The following GALNT5 variants were observed in gnomAD, a reference collection of about 807,000 sequenced individuals.
GALNT5 encodes the protein UDP-GalNAc:polypeptide N-acetylgalactosaminyltransferase 5.
In GALNT5, 72 loss-of-function variants were observed where a neutral mutation model predicts 85.4. The ratio of observed to expected loss-of-function variants is 0.84; its 90% CI spans 0.70 to 1.03. The LOEUF (loss-of-function observed/expected upper bound fraction) is 1.03. Among genes scored for constraint, GALNT5 ranks in the 50% least tolerant of loss-of-function variants. The probability of loss-of-function intolerance (pLI) is 0.00; values close to 1 mark genes in which losing one functional copy is unlikely to be tolerated. For missense variants in GALNT5, 1,137 were observed against 1,135.5 expected (o/e 1.00, Z -0.02); for synonymous variants, 404 against 397.0 (o/e 1.02, Z -0.21).
intron 9 of GALNT5, among the ~76,000 whole-genome samples, chr2:157,311,005 G>C (rs1006132653): frequency 2.6e-5 from 4 of 152,154 alleles, no homozygotes; most frequent in African/African-American, 9.7e-5. Flanking sequence ...TTATAGCTTG[G>C]TGGAGGATGA....
chr2:157,289,947 G>A (rs1683058024), intron 3 of GALNT5, among the ~76,000 whole-genome samples: 1 of 151,522 alleles, frequency 6.6e-6, no homozygotes, highest in Non-Finnish European at 1.5e-5. Flanking sequence ...GGTGGCAGGT[G>A]CCTGTAATCC....
intron 1 of GALNT5, among the ~76,000 whole-genome samples, chr2:157,279,033 A>G (rs890547789): frequency 6.6e-6 from 1 of 152,158 alleles, no homozygotes; most frequent in East Asian, 1.9e-4. Context: ...TGTTGATGCT[A>G]TTCCTTTCTG....
intron 1 of GALNT5, among the ~76,000 whole-genome samples, chr2:157,266,955 G>A (rs1401689867): frequency 6.6e-6 from 1 of 152,164 alleles, no homozygotes; most frequent in Non-Finnish European, 1.5e-5. Flanking sequence ...AAGCAAAGGT[G>A]ATTCTTTAAA....
intron 7 of GALNT5, among the ~76,000 whole-genome samples, chr2:157,303,176 C>A (rs1303814316): frequency 6.6e-6 from 1 of 152,144 alleles, no homozygotes; most frequent in Non-Finnish European, 1.5e-5. Context: ...AATAATCTCA[C>A]CAATAATGTA....
intron 3 of GALNT5, among the ~76,000 whole-genome samples, chr2:157,289,139 G>A (rs1683039677): frequency 6.9e-6 from 1 of 145,904 alleles, no homozygotes; most frequent in Non-Finnish European, 1.5e-5. Context: ...CTCTCTGCCT[G>A]CACGGAGCAC....
intron 7 of GALNT5, among the ~76,000 whole-genome samples, chr2:157,304,205 T>C (rs907759834): frequency 1.3e-5 from 2 of 152,190 alleles, no homozygotes; most frequent in Non-Finnish European, 2.9e-5. Flanking sequence ...GGGGTGGGAC[T>C]GTGGGGGCAT....
chr2:157,265,653 T>TA (rs1682441473), intron 1 of GALNT5, among the ~76,000 whole-genome samples: 4 of 152,232 alleles, frequency 2.6e-5, no homozygotes, highest in African/African-American at 9.6e-5. Flanking sequence ...ATTGCCCTGG[T>TA]ACTCTTGGCC....
intron 7 of GALNT5, among the ~76,000 whole-genome samples, chr2:157,301,943 A>G (rs948737069): frequency 1.3e-5 from 2 of 152,226 alleles, no homozygotes; most frequent in Non-Finnish European, 2.9e-5. Context: ...GAAGCTGGGG[A>G]AAAGCCATTT....
rs528034753 is a variant in GALNT5, at chr2:157,285,888, C to T, written c.1622-127C>T. On this transcript the variant is annotated intron_variant, in intron 2 of 9. Transcript: ENST00000259056. Reference sequence around the variant, plus strand: ...GACATCAGAAAATAAAATTATGACCCAAGGAATAAAATTCAGTGATGATGG... The same window carrying T: ...GACATCAGAAAATAAAATTATGACCTAAGGAATAAAATTCAGTGATGATGG... 1.4e-5 allele frequency: 9 copies of T among 624,300 alleles called. No individual in the cohort carries two copies. The Admixed American group carries it at 2.6e-4, about 18-fold the overall frequency. 38.7% of individuals were successfully genotyped at this position (624,300 alleles called of 1,614,324 possible). A position where few individuals can be genotyped will look rare whatever the true frequency, so the allele number is the denominator to read the frequency against.
chr2:157,302,570 A>T (rs1460576614), intron 7 of GALNT5: 1 of 124,754 alleles, frequency 8.0e-6, no homozygotes, highest in African/African-American at 2.8e-5. Flanking sequence ...TTTTAATTTC[A>T]ACCGCTGAGC....
In GALNT5 at chr2:157,312,838, T is replaced by C. The variant is rs1415750190; in HGVS notation, c.*1490T>C. ...CAATTCTTTGCTGGGATTGGGTCCC[T>C]GGAGGACAACCATACTATATTCTTG... On this transcript the variant is annotated 3_prime_UTR_variant, in exon 10 of 10. Transcript: ENST00000259056. 2 of 152,158 alleles carry C rather than the reference T, an allele frequency of 1.3e-5. No homozygotes were observed. The highest frequency in any genetic ancestry group is 2.9e-5 in the Non-Finnish European group (2 of 68,004). The allele number at this position is 152,158 out of a possible 1,614,324, so 9.4% of individuals were successfully genotyped here. A position where few individuals can be genotyped will look rare whatever the true frequency, so the allele number is the denominator to read the frequency against.
At chr2:157,283,821 C>T (rs1276571701) in intron 1 of GALNT5, among the ~76,000 whole-genome samples, 3 of 152,054 alleles carry the variant, frequency 2.0e-5, no homozygotes, top group Non-Finnish European at 1.5e-5. Context: ...CACTAGGCTA[C>T]AAAACTCTAT....
At position 157,313,952 on chromosome 2, in the gene GALNT5, G is replaced by A. The variant is rs1251750260; in HGVS notation, c.*2604G>A. On this transcript the variant is annotated 3_prime_UTR_variant, in exon 10 of 10. Transcript: ENST00000259056. ...CTAAGAAGCAAGGAACTGATCACTA[G>A]TTGGGAATCTATATGGGCCTAAACT... is the stretch of plus-strand genomic sequence containing the variant. 6.6e-6 allele frequency: 1 copy of A among 152,092 alleles called. No homozygotes were observed. The allele number at this position is 152,092 out of a possible 1,614,324, so 9.4% of individuals were successfully genotyped here. A position where few individuals can be genotyped will look rare whatever the true frequency, so the allele number is the denominator to read the frequency against.
At chr2:157,266,336 T>G (rs1274265259) in intron 1 of GALNT5, among the ~76,000 whole-genome samples, 3 of 152,198 alleles carry the variant, frequency 2.0e-5, no homozygotes, top group African/African-American at 7.2e-5. Context: ...ACCCAACCTC[T>G]AGTTTTCTGA....
intron 1 of GALNT5, among the ~76,000 whole-genome samples, chr2:157,263,392 T>TTCTA (rs1210732663): frequency 2.0e-5 from 3 of 152,306 alleles, no homozygotes; most frequent in South Asian, 4.1e-4. Context: ...CTTGCACACA[T>TTCTA]TCTAATTCAA....
At chr2:157,269,865 T>C (rs769960483) in intron 1 of GALNT5, among the ~76,000 whole-genome samples, 1 of 152,142 alleles carries the variant, frequency 6.6e-6, no homozygotes, top group Non-Finnish European at 1.5e-5. Context: ...CCAACCAAAT[T>C]TTAACCATAA....
intron 8 of GALNT5, among the ~76,000 whole-genome samples, chr2:157,307,670 A>G (rs1057398017): frequency 6.6e-6 from 1 of 152,164 alleles, no homozygotes; most frequent in Non-Finnish European, 1.5e-5. Context: ...GGTCCAACAC[A>G]ATGACTTTGA....
At chr2:157,272,139 T>C (rs1229037137) in intron 1 of GALNT5, among the ~76,000 whole-genome samples, 2 of 152,214 alleles carry the variant, frequency 1.3e-5, no homozygotes, top group African/African-American at 2.4e-5. Context: ...CCTTGCTTCA[T>C]TGATAATCCT....
chr2:157,284,806 T>TTAG (rs1223746027), intron 2 of GALNT5, among the ~76,000 whole-genome samples: 1 of 152,210 alleles, frequency 6.6e-6, no homozygotes, highest in Non-Finnish European at 1.5e-5. Context: ...CTACTGGTAA[T>TTAG]AACTAGAGTT....
Sources: allele counts gnomAD v4.1 joint callset (sites outside exome capture counted in the v4.1 genomes callset), GRCh38; gene constraint gnomAD v4.1.1; transcripts MANE v1.5; gene names NCBI Gene and HGNC (gene_info 2026-07-23, HGNC 2026-07-21).